The following VEPH1 variants were observed in gnomAD, a reference collection of about 807,000 sequenced individuals.
VEPH1 encodes ventricular zone expressed PH domain containing 1, also known as ventricular zone-expressed PH domain-containing protein homolog 1.
Under a neutral mutation model 85.2 loss-of-function variants are expected in VEPH1, and 80 were observed. That is an observed-to-expected ratio of 0.94 (90% CI 0.78 to 1.13). The LOEUF is 1.13. VEPH1 is among the 50% of genes most tolerant of loss of function. The pLI, the probability that VEPH1 is intolerant of heterozygous loss-of-function variation, is 0.00. For missense variants in VEPH1, 955 were observed against 980.5 expected, an observed-to-expected ratio of 0.97 and a Z score of 0.35; for synonymous variants, 297 against 348.0, an observed-to-expected ratio of 0.85 and a Z score of 1.63.
chr3:157,501,806 A>G (rs1009465983), intron 1 of VEPH1, among the ~76,000 whole-genome samples: 2 of 152,184 alleles, frequency 1.3e-5, no homozygotes, highest in Admixed American at 1.3e-4. Context: ...GAATGACAAT[A>G]TTTATTTACA....
At chr3:157,487,586 C>G (rs958539205) in intron 2 of VEPH1, among the ~76,000 whole-genome samples, 3 of 152,074 alleles carry the variant, frequency 2.0e-5, no homozygotes, top group Non-Finnish European at 4.4e-5. Flanking sequence ...CTGTATATAA[C>G]TTGATGTCGA....
chr3:157,488,479 A>T (rs1424791810), intron 2 of VEPH1, among the ~76,000 whole-genome samples: 1 of 148,820 alleles, frequency 6.7e-6, no homozygotes, highest in Non-Finnish European at 1.5e-5. Flanking sequence ...TCAGGAAACC[A>T]TGATTTTCTG....
intron 12 of VEPH1, among the ~76,000 whole-genome samples, chr3:157,276,504 T>C (rs1261991521): frequency 4.6e-5 from 7 of 152,240 alleles, no homozygotes; most frequent in Non-Finnish European, 1.0e-4. Context: ...AAATAATTAG[T>C]ATCTTCGTGG....
chr3:157,348,385 C>T (rs141031637), intron 9 of VEPH1, among the ~76,000 whole-genome samples: 5,391 of 152,132 alleles, frequency 0.035, 158 homozygotes, highest in Admixed American at 0.072. Context: ...TAAGAGTACT[C>T]TTTTCTCTGC....
At chr3:157,389,656 TAGATAGATAGATA>T (rs1443999865) in intron 6 of VEPH1, among the ~76,000 whole-genome samples, 112 of 151,580 alleles carry the variant, frequency 7.4e-4, no homozygotes, top group Middle Eastern at 3.4e-3. Context: ...GATAGATAGA[TAGATAGATAGATA>T]GATAGATAGA....
chr3:157,359,021 G>GA (rs1725755661), intron 9 of VEPH1, among the ~76,000 whole-genome samples: 1 of 151,922 alleles, frequency 6.6e-6, no homozygotes, highest in South Asian at 2.1e-4. Context: ...AAACAAAAAA[G>GA]AAAAATCAAC....
chr3:157,494,966 T>C (rs1333373381), intron 2 of VEPH1, among the ~76,000 whole-genome samples: 1 of 152,098 alleles, frequency 6.6e-6, no homozygotes, highest in Non-Finnish European at 1.5e-5. Flanking sequence ...TCCATGCTGC[T>C]CTGCAATTTT....
chr3:157,331,309 A>C (rs1262663465), intron 9 of VEPH1, among the ~76,000 whole-genome samples: 1 of 152,222 alleles, frequency 6.6e-6, no homozygotes, highest in Admixed American at 6.5e-5. Context: ...CCACACTCCT[A>C]GGACAGTGTG....
In VEPH1 at chr3:157,430,712, ATAGT is replaced by A. The variant is rs143789098; in HGVS notation, c.530-2228_530-2225del. The stretch of plus-strand genomic sequence containing the variant: ...GTGACACTGATGGTCCATTGACCAA[ATAGT>A]TAGTTAAGTGGCAAAGCACTGAGTA... On this transcript the variant is annotated intron_variant, in intron 4 of 13. Transcript: ENST00000362010. Among the ~76,000 whole-genome samples, 992 of 152,332 alleles carry A rather than the reference ATAGT, an allele frequency of 6.5e-3. 12 individuals carry two copies. Among genetic ancestry groups the A allele is most frequent in the African/African-American group, 0.022 (923 of 41,564 alleles).
intron 4 of VEPH1, among the ~76,000 whole-genome samples, chr3:157,438,954 G>A (rs1382021623): frequency 6.6e-6 from 1 of 152,178 alleles, no homozygotes; most frequent in African/African-American, 2.4e-5. Context: ...TTGCTGGATG[G>A]GGAGGGGGAA....
chr3:157,439,275 G>A (rs1258794265), intron 4 of VEPH1, among the ~76,000 whole-genome samples: 1 of 152,070 alleles, frequency 6.6e-6, no homozygotes, highest in Non-Finnish European at 1.5e-5. Context: ...CTTCATCTTT[G>A]CATATTAGTT....
intron 12 of VEPH1, among the ~76,000 whole-genome samples, chr3:157,272,102 T>A (rs1714633058): frequency 6.6e-6 from 1 of 152,062 alleles, no homozygotes; most frequent in South Asian, 2.1e-4. Context: ...AAATCAGGAC[T>A]GTAAGGTGGA....
intron 2 of VEPH1, among the ~76,000 whole-genome samples, chr3:157,489,529 T>C (rs1469357171): frequency 2.0e-5 from 3 of 152,190 alleles, no homozygotes; most frequent in Non-Finnish European, 4.4e-5. Flanking sequence ...ATGTCAGCTT[T>C]TGTCTCAGTA....
chr3:157,492,488 G>T (rs563586434), intron 2 of VEPH1, among the ~76,000 whole-genome samples: 1 of 152,236 alleles, frequency 6.6e-6, no homozygotes, highest in South Asian at 2.1e-4. Flanking sequence ...CCAGACACAG[G>T]CTCCTTCTTT....
intron 9 of VEPH1, among the ~76,000 whole-genome samples, chr3:157,334,067 G>C (rs1343806557): frequency 1.3e-5 from 2 of 152,144 alleles, no homozygotes; most frequent in Non-Finnish European, 2.9e-5. Flanking sequence ...TCCACATAGT[G>C]TATATCAACT....
chr3:157,289,629 G>A (rs903712202), intron 11 of VEPH1, among the ~76,000 whole-genome samples: 2 of 152,188 alleles, frequency 1.3e-5, no homozygotes, highest in Admixed American at 6.5e-5. Flanking sequence ...CCTCTTAAAT[G>A]TGCTTGAGGT....
chr3:157,323,789 T>C (rs1361345500), intron 9 of VEPH1, among the ~76,000 whole-genome samples: 1 of 152,166 alleles, frequency 6.6e-6, no homozygotes, highest in Non-Finnish European at 1.5e-5. Context: ...GCTTTGACCC[T>C]GATTTTGAGG....
chr3:157,293,209 G>A (rs1208996374), intron 11 of VEPH1, among the ~76,000 whole-genome samples: 2 of 152,134 alleles, frequency 1.3e-5, no homozygotes, highest in Non-Finnish European at 2.9e-5. Context: ...CCATGGGGGA[G>A]CAGACTCTAA....
intron 6 of VEPH1, 124 bp downstream of exon 6, chr3:157,413,757 G>A (rs1731694613): frequency 7.2e-7 from 1 of 1,391,932 alleles, no homozygotes; most frequent in Non-Finnish European, 9.6e-7. Context: ...GTATGTCAAA[G>A]AGAAATTGGA....
Sources: gnomAD v4.1 joint callset for allele counts (sites outside exome capture counted in the v4.1 genomes callset) on GRCh38, gnomAD v4.1.1 for gene constraint, MANE v1.5 for transcripts, NCBI Gene and HGNC (gene_info 2026-07-23, HGNC 2026-07-21) for gene names.